NHERF4: variants seen among roughly 807,000 people sequenced by gnomAD.
The protein encoded by NHERF4 is Na(+)/H(+) exchange regulatory cofactor NHE-RF4.
chr11:119,188,056 C>T, the NHERF4 span: 1 of 1,552,730 alleles, frequency 6.4e-7, no homozygotes. Context: ...GGGCACTGCC[C>T]ACCAAGCCCC....
chr11:119,189,271 G>C, the NHERF4 span: 4 of 1,536,130 alleles, frequency 2.6e-6, no homozygotes, highest in Non-Finnish European at 3.5e-6. This position sits in a 1 kb window ranked among gnomAD's most constrained non-coding sequence, Gnocchi z 5.8. Flanking sequence ...GAGAAAGAAG[G>C]GCAGAGTGGG....
the NHERF4 span, chr11:119,189,048 G>C: frequency 1.2e-6 from 2 of 1,614,152 alleles, no homozygotes; most frequent in Non-Finnish European, 1.7e-6. This position sits in a 1 kb window ranked among gnomAD's most constrained non-coding sequence, Gnocchi z 5.8. Flanking sequence ...CTGCAAGTGG[G>C]AGACGTGATT....
chr11:119,187,106 C>T, the NHERF4 span, among the ~76,000 whole-genome samples: 1 of 148,118 alleles, frequency 6.8e-6, no homozygotes, highest in Non-Finnish European at 1.5e-5. Flanking sequence ...CACCATTGCA[C>T]TCCAACCTGG....
the NHERF4 span, chr11:119,188,002 T>A: frequency 6.4e-7 from 1 of 1,570,060 alleles, no homozygotes; most frequent in East Asian, 2.3e-5. Context: ...AAGAACAGTG[T>A]CGCCAGCTGG....
the NHERF4 span, chr11:119,186,508 T>C: frequency 6.2e-7 from 1 of 1,614,194 alleles, no homozygotes; most frequent in Non-Finnish European, 8.5e-7. This position sits in a 1 kb window ranked among gnomAD's most constrained non-coding sequence, Gnocchi z 4.4. Context: ...GCCTCGCTTC[T>C]GTTTACTGAG....
the NHERF4 span, chr11:119,187,157 A>C: frequency 1.2e-6 from 1 of 862,210 alleles, no homozygotes; most frequent in Non-Finnish European, 1.7e-6. Context: ...AAAAAAAAAA[A>C]AGAAAAAGAA....
chr11:119,188,964 T>TC, the NHERF4 span: 1 of 1,613,252 alleles, frequency 6.2e-7, no homozygotes, highest in Non-Finnish European at 8.5e-7. Context: ...CAGCAAACTT[T>TC]CCCCCGGTGT....
At chr11:119,188,021 C>T in the NHERF4 span, 3 of 1,560,688 alleles carry the variant, frequency 1.9e-6, no homozygotes, top group Non-Finnish European at 2.6e-6. Context: ...GGGATTGCCC[C>T]TGGCTGCACC....
At chr11:119,188,292 C>T in the NHERF4 span, 2 of 1,601,752 alleles carry the variant, frequency 1.2e-6, no homozygotes, top group Admixed American at 1.7e-5. Flanking sequence ...GGGTCAGTCC[C>T]CTGGTGTGTA....
At chr11:119,185,688 G>T in the NHERF4 span, 2 of 766,814 alleles carry the variant, frequency 2.6e-6, no homozygotes, top group East Asian at 2.7e-5. Flanking sequence ...TCCACACCCT[G>T]TACTGATATG....
At chr11:119,189,012 C>G in the NHERF4 span, 4 of 1,614,092 alleles carry the variant, frequency 2.5e-6, no homozygotes, top group Non-Finnish European at 3.4e-6. This position sits in a 1 kb window ranked among gnomAD's most constrained non-coding sequence, Gnocchi z 5.8. Flanking sequence ...CAGGTGACTC[C>G]AGGAGGCTCA....
At chr11:119,185,746 C>T in the NHERF4 span, 18 of 864,524 alleles carry the variant, frequency 2.1e-5, 1 homozygote, top group South Asian at 8.6e-5. Context: ...GGGAGGGGAC[C>T]GCACAATAGT....
At chr11:119,188,540 T>C in the NHERF4 span, 3 of 1,599,070 alleles carry the variant, frequency 1.9e-6, no homozygotes, top group Non-Finnish European at 2.6e-6. Flanking sequence ...GGCGGACCGC[T>C]TCTTCAGCAT....
the NHERF4 span, chr11:119,186,288 T>G: frequency 2.5e-6 from 4 of 1,604,742 alleles, no homozygotes; most frequent in African/African-American, 5.4e-5. This position sits in a 1 kb window ranked among gnomAD's most constrained non-coding sequence, Gnocchi z 4.4. Context: ...TGGTTGGGAG[T>G]AGAGATAGGA....
the NHERF4 span, chr11:119,189,306 G>A: frequency 2.7e-6 from 4 of 1,489,118 alleles, no homozygotes; most frequent in Non-Finnish European, 9.3e-7. This position sits in a 1 kb window ranked among gnomAD's most constrained non-coding sequence, Gnocchi z 5.8. Context: ...AAGCCGTGTG[G>A]GGTATGCAGG....
the NHERF4 span, chr11:119,188,081 G>A: frequency 6.4e-7 from 1 of 1,551,224 alleles, no homozygotes; most frequent in South Asian, 1.2e-5. Flanking sequence ...CCTGCACCTG[G>A]AGAAAGGGCC....
At chr11:119,188,135 G>C in the NHERF4 span, 6 of 1,541,252 alleles carry the variant, frequency 3.9e-6, no homozygotes, top group Non-Finnish European at 5.3e-6. Context: ...GGGCCTTGAC[G>C]GTCGCCCTGG....
At chr11:119,189,133 AC>A in the NHERF4 span, 1 of 1,613,738 alleles carries the variant, frequency 6.2e-7, no homozygotes, top group Non-Finnish European at 8.5e-7. The surrounding 1 kb of genome is among the most constrained non-coding windows in gnomAD (Gnocchi z 5.8). Flanking sequence ...AGGCTGAGCC[AC>A]CCCTCTGCCT....
At chr11:119,186,163 A>G in the NHERF4 span, 87 of 1,613,890 alleles carry the variant, frequency 5.4e-5, no homozygotes, top group Admixed American at 6.7e-5. The surrounding 1 kb of genome is among the most constrained non-coding windows in gnomAD (Gnocchi z 4.4). Context: ...CACGACCCCT[A>G]TGGTAACTCC....
Sources: allele counts gnomAD v4.1 joint callset (sites outside exome capture counted in the v4.1 genomes callset), GRCh38; gene constraint gnomAD v4.1.1; non-coding constraint Gnocchi (gnomAD v3.1); transcripts MANE v1.5; gene names NCBI Gene and HGNC (gene_info 2026-07-23, HGNC 2026-07-21).